DGKG: variants seen among roughly 807,000 people sequenced by gnomAD.
The protein encoded by DGKG is DAG kinase gamma.
Under a neutral mutation model 105.3 loss-of-function variants are expected in DGKG, and 78 were observed. The ratio of observed to expected loss-of-function variants is 0.74; its 90% confidence interval spans 0.62 to 0.89. The LOEUF (loss-of-function observed/expected upper bound fraction) is 0.89. Ranked by LOEUF, DGKG falls within the 40% of genes least tolerant of loss-of-function variation. The probability of loss-of-function intolerance (pLI) is 0.00; values close to 1 mark genes in which losing one functional copy is unlikely to be tolerated. For missense variants in DGKG, 958 were observed against 1,020.1 expected (o/e 0.94, Z 0.83); for synonymous variants, 346 against 367.1 (o/e 0.94, Z 0.66).
Position 186,149,342 on chromosome 3 carries a change from A to G in DGKG, c.*748T>C, listed in dbSNP as rs1715648176. The G allele has an allele frequency of 1.0e-6, 1 of 985,258 alleles. No homozygotes were observed. Among genetic ancestry groups the G allele is most frequent in the Non-Finnish European group, 1.2e-6 (1 of 829,932 alleles). 61.0% of individuals were successfully genotyped at this position (985,258 alleles called of 1,614,324 possible). A position where few individuals can be genotyped will look rare whatever the true frequency, so the allele number is the denominator to read the frequency against. On this transcript the variant is annotated 3_prime_UTR_variant, in exon 25 of 25. Transcript: ENST00000265022. The stretch of plus-strand genomic sequence containing the variant: ...AGGTGTTCACAGAACTAAGAAAATA[A>G]ATACCACATCTAAGGTGTGCTATGC...
chr3:186,308,820 A>AGAT (rs1193374698), intron 2 of DGKG, among the ~76,000 whole-genome samples: 1 of 152,232 alleles, frequency 6.6e-6, no homozygotes, highest in Non-Finnish European at 1.5e-5. Flanking sequence ...CTAGTGGGAA[A>AGAT]GATGATCTAA....
intron 14 of DGKG, 81 bp downstream of exon 14, chr3:186,265,166 G>A (rs3815620): frequency 0.59 from 806,772 of 1,375,404 alleles, 238,347 homozygotes; most frequent in East Asian, 0.68. Flanking sequence ...ATGCTTTTCT[G>A]TAGAACCCAA....
intron 20 of DGKG, among the ~76,000 whole-genome samples, chr3:186,217,443 C>A (rs1368041603): frequency 6.6e-6 from 1 of 152,220 alleles, no homozygotes; most frequent in African/African-American, 2.4e-5. Flanking sequence ...CCAAGGGACT[C>A]TCAGCCACAT....
intron 7 of DGKG, among the ~76,000 whole-genome samples, chr3:186,281,498 C>G (rs922498511): frequency 6.6e-6 from 1 of 152,152 alleles, no homozygotes; most frequent in Non-Finnish European, 1.5e-5. Context: ...TTAAGATGTT[C>G]ACAGTAAGAT....
intron 21 of DGKG, among the ~76,000 whole-genome samples, chr3:186,192,451 A>T (rs1328608724): frequency 6.6e-6 from 1 of 152,238 alleles, no homozygotes; most frequent in African/African-American, 2.4e-5. Context: ...GAATAATATT[A>T]GCAACTCATG....
At chr3:186,150,743 C>A (rs191505727) in intron 24 of DGKG, among the ~76,000 whole-genome samples, 1 of 152,146 alleles carries the variant, frequency 6.6e-6, no homozygotes, top group African/African-American at 2.4e-5. Flanking sequence ...TCTTGGCCTT[C>A]GAGGGAAGAC....
At chr3:186,300,042 G>A (rs1210199456) in intron 3 of DGKG, among the ~76,000 whole-genome samples, 1 of 151,700 alleles carries the variant, frequency 6.6e-6, no homozygotes, top group Non-Finnish European at 1.5e-5. Context: ...TCACCTTGTT[G>A]GCCAGGCTGG....
At chr3:186,348,171 A>T (rs2108668545) in intron 1 of DGKG, among the ~76,000 whole-genome samples, 1 of 152,218 alleles carries the variant, frequency 6.6e-6, no homozygotes, top group South Asian at 2.1e-4. Context: ...TAATTTTGGC[A>T]GTTGCATTGT....
rs529055437 is a variant in DGKG, at chr3:186,297,001, G to A, written c.373+420C>T. 1.3e-4 allele frequency among the ~76,000 whole-genome samples: 20 copies of A among 151,644 alleles called. No individual in the cohort carries two copies. In the East Asian group the frequency reaches 3.7e-3, roughly 28 times the overall value. On this transcript the variant is annotated intron_variant, in intron 5 of 24. Coordinates refer to ENST00000265022, the MANE Select transcript of DGKG (RefSeq NM_001346.3). ...CTCTGTTCCTCTCCAGACATCCACTGGTAGAGTCATCTGCACCTCAGCCTT... is the reference window on the plus strand; with the variant it reads ...CTCTGTTCCTCTCCAGACATCCACTAGTAGAGTCATCTGCACCTCAGCCTT...
intron 11 of DGKG, among the ~76,000 whole-genome samples, chr3:186,269,244 G>C (rs537520862): frequency 1.3e-5 from 2 of 152,258 alleles, no homozygotes; most frequent in African/African-American, 2.4e-5. Flanking sequence ...GCAGAGTGAT[G>C]TGTTTGTATG....
At position 186,187,674 on chromosome 3, in the gene DGKG, G is replaced by A. The variant is rs577771885; in HGVS notation, c.2095+528C>T. On this transcript the variant is annotated intron_variant, in intron 22 of 24. Coordinates refer to ENST00000265022, the MANE Select transcript of DGKG (RefSeq NM_001346.3). Reference sequence around the variant, plus strand: ...TTATGACTGGATGGGGTGATCAAGGGCTTAAGTACAGACAGTGAAGAGAAG... The same window carrying A: ...TTATGACTGGATGGGGTGATCAAGGACTTAAGTACAGACAGTGAAGAGAAG... Among the ~76,000 whole-genome samples the A allele has an allele frequency of 1.2e-4, 19 of 152,308 alleles. No individual in the cohort carries two copies. The South Asian group carries it at 3.1e-3, about 25-fold the overall frequency.
chr3:186,303,117 C>A (rs1724057349), intron 3 of DGKG, among the ~76,000 whole-genome samples: 1 of 152,212 alleles, frequency 6.6e-6, no homozygotes. Flanking sequence ...ACACTCCCTC[C>A]CAGTATCCCA....
chr3:186,203,595 T>C lies in DGKG; in HGVS notation c.1917+8200A>G, dbSNP rs1274321178. 6.6e-6 allele frequency among the ~76,000 whole-genome samples: 1 copy of C among 152,154 alleles called. No homozygotes were observed. The highest frequency in any genetic ancestry group is 1.5e-5 in the Non-Finnish European group (1 of 68,034). On this transcript the variant is annotated intron_variant, in intron 21 of 24. Transcript: ENST00000265022. The surrounding 1 kb of genome is among the most constrained non-coding windows in gnomAD (Gnocchi z 4.9). Reference sequence around the variant, plus strand: ...CAGAAGTGGCAGGAGCTGCCTTGGATGGTCTCACAGTGAAGGTGATGCTGG... The same window carrying C: ...CAGAAGTGGCAGGAGCTGCCTTGGACGGTCTCACAGTGAAGGTGATGCTGG...
At chr3:186,315,394 C>T (rs958839420) in intron 2 of DGKG, among the ~76,000 whole-genome samples, 1 of 152,162 alleles carries the variant, frequency 6.6e-6, no homozygotes, top group African/African-American at 2.4e-5. Context: ...TTTCCCTTCC[C>T]TTCTCCAACA....
chr3:186,210,577 G>C lies in DGKG; in HGVS notation c.1917+1218C>G. 1 of 453,810 alleles carries C rather than the reference G, an allele frequency of 2.2e-6. No homozygotes were observed. The highest frequency in any genetic ancestry group is 4.4e-6 in the Non-Finnish European group (1 of 226,546). 28.1% of individuals were successfully genotyped at this position (453,810 alleles called of 1,614,324 possible). ...GCAGGCAGATGAGTCAAATGCAGCC[G>C]CACAGAACCTCTGGCTTCGTGTTTT... On this transcript the variant is annotated intron_variant, in intron 21 of 24. Coordinates refer to ENST00000265022, the MANE Select transcript of DGKG (RefSeq NM_001346.3). This position sits in a 1 kb window ranked among gnomAD's most constrained non-coding sequence, Gnocchi z 5.2.
In DGKG at chr3:186,349,242, T is replaced by C. The variant is rs143487054; in HGVS notation, c.-249+12704A>G. Among the ~76,000 whole-genome samples, 536 of 152,258 alleles carry C rather than the reference T, an allele frequency of 3.5e-3. 3 individuals are homozygous for C. The highest frequency in any genetic ancestry group is 0.012 in the African/African-American group (503 of 41,550). On this transcript the variant is annotated intron_variant, in intron 1 of 24. Transcript: ENST00000265022. ...TCTATTTTTTCTTTTCCTGAAAAATTCTGTATTTATATGTTTAATGTATTG... is the reference window on the plus strand; with the variant it reads ...TCTATTTTTTCTTTTCCTGAAAAATCCTGTATTTATATGTTTAATGTATTG...
rs561166090 is a variant in DGKG at position 186,259,705 on chromosome 3, C to A, written c.1424+734G>T. On this transcript the variant is annotated intron_variant, in intron 16 of 24. Transcript: ENST00000265022. ...CAGACAGCCCCGGGCCCGGGGCCGG[C>A]CAGTAGAGGGCTCTCGAGCACCGGC... Among the ~76,000 whole-genome samples the A allele has an allele frequency of 2.0e-5, 3 of 152,048 alleles. No individual in the cohort carries two copies. In the South Asian group the frequency reaches 6.2e-4, roughly 32 times the overall value.
At chr3:186,311,214 AC>A (rs1724525311) in intron 2 of DGKG, among the ~76,000 whole-genome samples, 1 of 152,212 alleles carries the variant, frequency 6.6e-6, no homozygotes, top group East Asian at 1.9e-4. Flanking sequence ...ATTCAGATGT[AC>A]AGTCAAGGTT....
chr3:186,320,298 GTGGCTTTGCAATGATCATAC>G, intron 2 of DGKG, 75 bp downstream of exon 2: 1 of 1,448,264 alleles, frequency 6.9e-7, no homozygotes, highest in Non-Finnish European at 9.5e-7. Flanking sequence ...ATCATTCTTT[GTGGCTTTGCAATGATCATAC>G]TGCTATGCTT....
Sources: gnomAD v4.1 joint callset for allele counts (sites outside exome capture counted in the v4.1 genomes callset) on GRCh38, gnomAD v4.1.1 for gene constraint, Gnocchi (gnomAD v3.1) non-coding constraint, MANE v1.5 for transcripts, NCBI Gene and HGNC (gene_info 2026-07-23, HGNC 2026-07-21) for gene names.